PLCL1: variants seen among roughly 807,000 people sequenced by gnomAD.
PLCL1 encodes inactive phospholipase C-like protein 1.
PLCL1 carries 41 observed loss-of-function variants against 84.4 expected under a neutral mutation model. The observed-to-expected ratio is 0.49, with a 90% CI of 0.38 to 0.63. PLCL1 has a LOEUF of 0.63. Ranked by LOEUF, PLCL1 falls within the 30% of genes least tolerant of loss-of-function variation. The pLI is 0.00. For synonymous variants in PLCL1, 490 were observed against 488.3 expected (o/e 1.00, Z -0.05); for missense variants, 1,206 against 1,367.8 (o/e 0.88, Z 1.87).
intron 1 of PLCL1, among the ~76,000 whole-genome samples, chr2:197,992,720 C>T (rs1218637994): frequency 1.3e-5 from 2 of 152,166 alleles, no homozygotes; most frequent in African/African-American, 4.8e-5. Context: ...CTCCTCCCTC[C>T]AGCTCCTGGC....
At chr2:198,105,393 A>T (rs1435358637) in intron 5 of PLCL1, among the ~76,000 whole-genome samples, 2 of 151,826 alleles carry the variant, frequency 1.3e-5, no homozygotes, top group East Asian at 3.9e-4. Context: ...TTTTGTACCA[A>T]TGCCATGCTG....
intron 1 of PLCL1, among the ~76,000 whole-genome samples, chr2:198,000,619 G>T (rs947075475): frequency 6.6e-6 from 1 of 152,076 alleles, no homozygotes; most frequent in Non-Finnish European, 1.5e-5. Context: ...GATCAGTGAA[G>T]TCATATGGTT....
chr2:198,139,695 T>TTTGA (rs1694337510), intron 5 of PLCL1, among the ~76,000 whole-genome samples: 1 of 152,150 alleles, frequency 6.6e-6, no homozygotes. Flanking sequence ...AAGGGTTGGT[T>TTTGA]TTGATAGATT....
At chr2:198,041,493 G>A (rs1691662907) in intron 1 of PLCL1, among the ~76,000 whole-genome samples, 1 of 152,078 alleles carries the variant, frequency 6.6e-6, no homozygotes, top group Admixed American at 6.6e-5. Flanking sequence ...CTAAGCACAT[G>A]TCATGTTTTC....
At chr2:198,048,762 A>G (rs1574273245) in intron 1 of PLCL1, among the ~76,000 whole-genome samples, 1 of 152,216 alleles carries the variant, frequency 6.6e-6, no homozygotes. Flanking sequence ...ATTGGAGATC[A>G]TATTTCAACA....
chr2:197,830,073 T>C lies in PLCL1; in HGVS notation c.240+24734T>C, dbSNP rs970337204. ...AATATGCTTTTGAGAATGGTTAAAA[T>C]GACTTAGCTGAAAATTCCAAAAACC... On this transcript the variant is annotated intron_variant, in intron 1 of 5. Transcript: ENST00000428675. Among the ~76,000 whole-genome samples the C allele has an allele frequency of 3.3e-5, 5 of 152,118 alleles. No individual in the cohort carries two copies. The East Asian group carries it at 9.7e-4, about 30-fold the overall frequency.
At chr2:197,923,183 C>T (rs1444494766) in intron 1 of PLCL1, among the ~76,000 whole-genome samples, 38 of 143,084 alleles carry the variant, frequency 2.7e-4, no homozygotes, top group Middle Eastern at 4.0e-3. Context: ...ACCTCCCGGA[C>T]GGGGCGGCTG....
chr2:197,952,127 G>A (rs1689401686), intron 1 of PLCL1, among the ~76,000 whole-genome samples: 1 of 152,046 alleles, frequency 6.6e-6, no homozygotes, highest in African/African-American at 2.4e-5. Flanking sequence ...CTATTTATTG[G>A]CAACATAATT....
chr2:197,965,536 G>T (rs540580908), intron 1 of PLCL1, among the ~76,000 whole-genome samples: 88 of 151,698 alleles, frequency 5.8e-4, no homozygotes, highest in African/African-American at 1.9e-3. Flanking sequence ...CTTTTGTATT[G>T]TTTTCTTCAT....
Position 197,805,140 on chromosome 2 carries a change from C to T in PLCL1, c.41C>T (p.Pro14Leu), listed in dbSNP as rs902235135. 9.1e-6 allele frequency: 12 copies of T among 1,312,100 alleles called. No individual in the cohort carries two copies. The African/African-American group carries it at 1.4e-4, about 15-fold the overall frequency. The allele number at this position is 1,312,100 out of a possible 1,614,324, so 81.3% of individuals were successfully genotyped here. A position where few individuals can be genotyped will look rare whatever the true frequency, so the allele number is the denominator to read the frequency against. Residue 14 changes from proline to leucine, a missense_variant, in exon 1 of 6, where the codon CCC (proline) becomes CTC (leucine). Transcript: ENST00000428675. This position sits in a 1 kb window ranked among gnomAD's most constrained non-coding sequence, Gnocchi z 4.0. ...GCCGGCAGGGAGGATCCGGCGCCGC[C>T]CGACGCGGCGGGGGGCGAAGACGAC... ...GAAGREDPAP[P>L]DAAGGEDDPR...
chr2:197,858,376 G>C lies in PLCL1; in HGVS notation c.240+53037G>C, dbSNP rs1687367886. 3.9e-5 allele frequency among the ~76,000 whole-genome samples: 6 copies of C among 152,022 alleles called. No individual in the cohort carries two copies. In the South Asian group the frequency reaches 1.2e-3, roughly 32 times the overall value. On this transcript the variant is annotated intron_variant, in intron 1 of 5. Coordinates refer to ENST00000428675, the MANE Select transcript of PLCL1 (RefSeq NM_006226.4). The stretch of plus-strand genomic sequence containing the variant: ...GCTTAGCGAATCAAGCCCTCCAAAG[G>C]GCCTGAGCCATGTGTTCACATGGCT...
intron 5 of PLCL1, among the ~76,000 whole-genome samples, chr2:198,143,236 TA>T (rs1312080528): frequency 2.0e-5 from 3 of 152,242 alleles, no homozygotes; most frequent in South Asian, 4.2e-4. Context: ...TAGATTCTCA[TA>T]AGGAATACAC....
At chr2:197,910,252 G>A (rs955322837) in intron 1 of PLCL1, among the ~76,000 whole-genome samples, 1 of 152,166 alleles carries the variant, frequency 6.6e-6, no homozygotes, top group African/African-American at 2.4e-5. Context: ...CTAGCTGCAC[G>A]ATTGATCACT....
At chr2:198,068,148 A>T (rs184182035) in intron 1 of PLCL1, among the ~76,000 whole-genome samples, 46 of 152,288 alleles carry the variant, frequency 3.0e-4, no homozygotes, top group African/African-American at 1.1e-3. Flanking sequence ...GCTATTTGTA[A>T]ATTACTATAC....
chr2:198,129,431 A>G (rs538753581), intron 5 of PLCL1, among the ~76,000 whole-genome samples: 3 of 152,260 alleles, frequency 2.0e-5, no homozygotes, highest in African/African-American at 4.8e-5. Flanking sequence ...CCAATTGCCA[A>G]TCAGAAAAAT....
intron 1 of PLCL1, among the ~76,000 whole-genome samples, chr2:198,035,923 C>A (rs2105854084): frequency 6.6e-6 from 1 of 152,256 alleles, no homozygotes; most frequent in South Asian, 2.1e-4. Context: ...GTAGTCCCAG[C>A]TACTCAGGAG....
chr2:197,860,686 T>C (rs1315695625), intron 1 of PLCL1, among the ~76,000 whole-genome samples: 1 of 152,176 alleles, frequency 6.6e-6, no homozygotes, highest in East Asian at 1.9e-4. Flanking sequence ...TTTTGAAAAG[T>C]GTCTGTTCAT....
chr2:197,931,110 G>T (rs1688922813), intron 1 of PLCL1, among the ~76,000 whole-genome samples: 1 of 152,220 alleles, frequency 6.6e-6, no homozygotes, highest in African/African-American at 2.4e-5. Context: ...GTAAATTCCA[G>T]CTGGAATAAA....
At chr2:198,039,115 A>G (rs1691605613) in intron 1 of PLCL1, among the ~76,000 whole-genome samples, 1 of 152,092 alleles carries the variant, frequency 6.6e-6, no homozygotes, top group South Asian at 2.1e-4. Context: ...TGGAGGGTAA[A>G]CATGTCAGGA....
Sources: gnomAD v4.1 joint callset for allele counts (sites outside exome capture counted in the v4.1 genomes callset) on GRCh38, gnomAD v4.1.1 for gene constraint, Gnocchi (gnomAD v3.1) non-coding constraint, MANE v1.5 for transcripts, NCBI Gene and HGNC (gene_info 2026-07-23, HGNC 2026-07-21) for gene names.